The following ZIM2 variants were observed in gnomAD, a reference collection of about 807,000 sequenced individuals.
ZIM2 encodes zinc finger protein 656.
In ZIM2, 14 loss-of-function variants were observed where a neutral mutation model predicts 38.6. The observed-to-expected ratio is 0.36, with a 90% CI of 0.24 to 0.57. The LOEUF is 0.57. Ranked by LOEUF, ZIM2 falls within the 20% of genes least tolerant of loss-of-function variation. The pLI is 0.81. For missense variants in ZIM2, 680 were observed against 695.1 expected, an observed-to-expected ratio of 0.98 and a Z score of 0.24; for synonymous variants, 247 against 245.8, an observed-to-expected ratio of 1.00 and a Z score of -0.04.
chr19:56,808,646 G>A (rs927024667), intron 9 of ZIM2, among the ~76,000 whole-genome samples: 4 of 152,138 alleles, frequency 2.6e-5, no homozygotes, highest in Admixed American at 2.0e-4. Context: ...CCTGCAGACA[G>A]TGTATGTTCA....
At chr19:56,837,352 C>T (rs542124057) in intron 1 of ZIM2, among the ~76,000 whole-genome samples, 26 of 152,324 alleles carry the variant, frequency 1.7e-4, no homozygotes, top group African/African-American at 6.3e-4. Context: ...TCCAGCTGTA[C>T]GATTTTGAGT....
At chr19:56,834,999 C>T (rs1173462967) in intron 2 of ZIM2, among the ~76,000 whole-genome samples, 1 of 152,192 alleles carries the variant, frequency 6.6e-6, no homozygotes, top group Non-Finnish European at 1.5e-5. Context: ...CATCATGTGA[C>T]TCACTGTGCC....
At chr19:56,821,563 C>T in intron 7 of ZIM2, 88 bp downstream of exon 7, 1 of 1,510,794 alleles carries the variant, frequency 6.6e-7, no homozygotes, top group Non-Finnish European at 9.1e-7. Flanking sequence ...CTCTAGGGGG[C>T]AGATAAACAC....
intron 9 of ZIM2, chr19:56,813,562 A>T: frequency 6.9e-7 from 1 of 1,459,232 alleles, no homozygotes; most frequent in Non-Finnish European, 9.1e-7. Flanking sequence ...TCAGGTGTGT[A>T]ACACACTAAG....
In ZIM2 at chr19:56,814,335, T is replaced by TGCTGCTGCA; in HGVS notation, c.490+3402_490+3410dup. ...CATTGGCTTCAACTTCCTGGGCTGC[T>TGCTGCTGCA]GCTGCTGCAGCTGCTGCTGCTTCAT... On this transcript the variant is annotated intron_variant, in intron 9 of 12. Coordinates refer to ENST00000629319, the MANE Select transcript of ZIM2 (RefSeq NM_001387356.1). This position sits in a 1 kb window ranked among gnomAD's most constrained non-coding sequence, Gnocchi z 5.8. The TGCTGCTGCA allele has an allele frequency of 2.5e-6, 4 of 1,613,458 alleles. No homozygotes were observed. Among genetic ancestry groups the TGCTGCTGCA allele is most frequent in the Non-Finnish European group, 3.4e-6 (4 of 1,179,504 alleles).
chr19:56,815,794 T>A, intron 9 of ZIM2: 1 of 1,613,668 alleles, frequency 6.2e-7, no homozygotes, highest in Non-Finnish European at 8.5e-7. Context: ...ACTGCCCCCT[T>A]CACAAGGGTT....
At chr19:56,822,672 G>A (rs2060615092) in intron 6 of ZIM2, 81 bp downstream of exon 6, 1 of 1,553,952 alleles carries the variant, frequency 6.4e-7, no homozygotes, top group African/African-American at 1.4e-5. Context: ...GAAACTTCGA[G>A]GCCCTGGCAC....
At chr19:56,815,706 T>C (rs373668187) in intron 9 of ZIM2, 1 of 1,614,132 alleles carries the variant, frequency 6.2e-7, no homozygotes, top group Non-Finnish European at 8.5e-7. Flanking sequence ...ACTCACCAGA[T>C]CCCTCTCCAG....
chr19:56,815,213 C>T (rs1050957805), intron 9 of ZIM2: 2 of 1,613,796 alleles, frequency 1.2e-6, no homozygotes, highest in Admixed American at 1.7e-5. Context: ...CCATGGGTCT[C>T]CTCGCTGTGG....
chr19:56,795,272 C>A (rs2047140209), intron 9 of ZIM2, among the ~76,000 whole-genome samples: 1 of 152,178 alleles, frequency 6.6e-6, no homozygotes, highest in Non-Finnish European at 1.5e-5. Flanking sequence ...ACGCAGCCCT[C>A]GCCTCTGGGG....
chr19:56,778,833 TAG>T (rs1026293754), intron 12 of ZIM2, among the ~76,000 whole-genome samples: 1 of 152,104 alleles, frequency 6.6e-6, no homozygotes, highest in African/African-American at 2.4e-5. Context: ...ACTGTAGCCA[TAG>T]AGTTTGGAGG....
intron 9 of ZIM2, among the ~76,000 whole-genome samples, chr19:56,796,519 C>T (rs113595077): frequency 3.9e-5 from 6 of 152,308 alleles, no homozygotes; most frequent in South Asian, 2.1e-4. Context: ...CACTCATGCC[C>T]GAACCTCTAA....
intron 9 of ZIM2, chr19:56,815,302 T>C: frequency 6.2e-7 from 1 of 1,614,266 alleles, no homozygotes; most frequent in Non-Finnish European, 8.5e-7. Flanking sequence ...CTGGTTTGTG[T>C]TGAGGTCTTC....
At chr19:56,779,793 G>A (rs548021811) in intron 11 of ZIM2, among the ~76,000 whole-genome samples, 3 of 152,158 alleles carry the variant, frequency 2.0e-5, no homozygotes, top group East Asian at 3.9e-4. Flanking sequence ...GAACAACCCT[G>A]CTATGAAGAC....
chr19:56,813,336 C>A (rs1459329300), intron 9 of ZIM2: 1 of 1,019,166 alleles, frequency 9.8e-7, no homozygotes, highest in Non-Finnish European at 1.2e-6. Flanking sequence ...CCTCATGAAA[C>A]ACTATATATA....
chr19:56,839,073 C>G (rs2062606273), intron 1 of ZIM2, among the ~76,000 whole-genome samples: 1 of 149,110 alleles, frequency 6.7e-6, no homozygotes, highest in Non-Finnish European at 1.5e-5. Context: ...CGGGCCTTGT[C>G]TCGCCCAACC....
Position 56,778,778 on chromosome 19 carries a change from G to A in ZIM2, c.835+599C>T, listed in dbSNP as rs547800076. 3.3e-5 allele frequency among the ~76,000 whole-genome samples: 5 copies of A among 152,190 alleles called. No individual in the cohort carries two copies. The South Asian group carries it at 8.3e-4, about 25-fold the overall frequency. ...ACTGAAGGACAACAGTGATCCAGCC[G>A]CTGCACATGGTGACCCATTTCATGA... On this transcript the variant is annotated intron_variant, in intron 12 of 12. Transcript: ENST00000629319.
intron 9 of ZIM2, among the ~76,000 whole-genome samples, chr19:56,800,829 G>A (rs942286537): frequency 6.6e-6 from 1 of 152,014 alleles, no homozygotes; most frequent in South Asian, 2.1e-4. Flanking sequence ...TTTATAAAAG[G>A]AATTTTGTAT....
intron 9 of ZIM2, chr19:56,799,283 A>T (rs887358048): frequency 6.6e-6 from 1 of 152,222 alleles, no homozygotes; most frequent in African/African-American, 2.4e-5. Flanking sequence ...AAGGAACAAG[A>T]TAATGTCTTT....
Sources: gnomAD v4.1 joint callset for allele counts (sites outside exome capture counted in the v4.1 genomes callset) on GRCh38, gnomAD v4.1.1 for gene constraint, Gnocchi (gnomAD v3.1) non-coding constraint, MANE v1.5 for transcripts, NCBI Gene and HGNC (gene_info 2026-07-23, HGNC 2026-07-21) for gene names.